BASP1: variants seen among roughly 807,000 people sequenced by gnomAD.
The protein encoded by BASP1 is brain abundant membrane attached signal protein 1.
Under a neutral mutation model 2.2 loss-of-function variants are expected in BASP1, and 1 was observed. That is an observed-to-expected ratio of 0.46 (90% confidence interval 0.16 to 2.17). BASP1 has a LOEUF of 2.17. BASP1 is among the 30% of genes most tolerant of loss of function. The probability of loss-of-function intolerance (pLI) is 0.27; values close to 1 mark genes in which losing one functional copy is unlikely to be tolerated. For synonymous variants in BASP1, 187 were observed against 154.2 expected, an observed-to-expected ratio of 1.21 and a Z score of -1.58; for missense variants, 352 against 327.2, an observed-to-expected ratio of 1.08 and a Z score of -0.58.
chr5:17,217,615 C>CTT, upstream of BASP1: 1 of 155,330 alleles, frequency 6.4e-6, no homozygotes, highest in Non-Finnish European at 1.4e-5. Flanking sequence ...GAGGCTGCAG[C>CTT]GGCGGCGGCG....
intron 1 of BASP1, among the ~76,000 whole-genome samples, chr5:17,272,231 C>T (rs1740543631): frequency 6.6e-6 from 1 of 152,160 alleles, no homozygotes; most frequent in African/African-American, 2.4e-5. Context: ...ATTCCCTCAA[C>T]ACCTGAGTTC....
At chr5:17,219,934 T>C (rs1739364246) in intron 1 of BASP1, among the ~76,000 whole-genome samples, 1 of 152,194 alleles carries the variant, frequency 6.6e-6, no homozygotes, top group Non-Finnish European at 1.5e-5. Context: ...ACAGAAGCCA[T>C]GATATACCTT....
rs1740147753 is a variant in BASP1, at chr5:17,253,799, A to C, written c.-9-21409A>C. On this transcript the variant is annotated intron_variant, in intron 1 of 1. Transcript: ENST00000322611. ...ACAGACTGGAATCTGTGATCAAGGG[A>C]GAGCGTGGATACTTGCTTTATTAAC... 2.0e-5 allele frequency among the ~76,000 whole-genome samples: 3 copies of C among 152,272 alleles called. No individual in the cohort carries two copies. The South Asian group carries it at 6.2e-4, about 32-fold the overall frequency.
chr5:17,237,808 A>G (rs1242452787), intron 1 of BASP1, among the ~76,000 whole-genome samples: 1 of 151,888 alleles, frequency 6.6e-6, no homozygotes, highest in Non-Finnish European at 1.5e-5. Flanking sequence ...ACAGTGTTTC[A>G]CCATGTTGGC....
At position 17,236,447 on chromosome 5, in the gene BASP1, T is replaced by G. The variant is rs575484869; in HGVS notation, c.-10+18637T>G. Among the ~76,000 whole-genome samples, 2 of 152,260 alleles carry G rather than the reference T, an allele frequency of 1.3e-5. No individual in the cohort carries two copies. The highest frequency in any genetic ancestry group is 2.4e-5 in the African/African-American group (1 of 41,566). On this transcript the variant is annotated intron_variant, in intron 1 of 1. Coordinates refer to ENST00000322611, the MANE Select transcript of BASP1 (RefSeq NM_006317.5). This position sits in a 1 kb window ranked among gnomAD's most constrained non-coding sequence, Gnocchi z 4.0. ...CCTGGCTAATTTTTTGTATTTTTAG[T>G]AGAGACGGGGTTTCGCCTTGTTGGT... is the stretch of plus-strand genomic sequence containing the variant.
intron 1 of BASP1, among the ~76,000 whole-genome samples, chr5:17,262,304 A>G (rs6876232): frequency 0.028 from 4,268 of 152,228 alleles, 198 homozygotes; most frequent in African/African-American, 0.094. Context: ...GCATTTACCC[A>G]TCCTCATCTG....
intron 1 of BASP1, among the ~76,000 whole-genome samples, chr5:17,265,073 C>A (rs1740390958): frequency 6.6e-6 from 1 of 152,052 alleles, no homozygotes; most frequent in Non-Finnish European, 1.5e-5. Context: ...CATTACAGAA[C>A]CATGGTATTG....
intron 1 of BASP1, among the ~76,000 whole-genome samples, chr5:17,233,573 A>G (rs1032080136): frequency 3.3e-5 from 5 of 152,136 alleles, no homozygotes; most frequent in African/African-American, 7.2e-5. Context: ...CTAGTGCACC[A>G]TACTGCCTCC....
At chr5:17,250,149 G>A (rs1740072250) in intron 1 of BASP1, among the ~76,000 whole-genome samples, 1 of 152,140 alleles carries the variant, frequency 6.6e-6, no homozygotes, top group Admixed American at 6.5e-5. Flanking sequence ...ATTTCACCAT[G>A]TTGGCCAGTC....
chr5:17,256,633 A>C (rs1740216858), intron 1 of BASP1, among the ~76,000 whole-genome samples: 1 of 152,234 alleles, frequency 6.6e-6, no homozygotes. Flanking sequence ...TAATGTCAGC[A>C]GCTAGTTTAG....
intron 1 of BASP1, among the ~76,000 whole-genome samples, chr5:17,218,011 G>C (rs1739298985): frequency 6.6e-6 from 1 of 151,920 alleles, no homozygotes; most frequent in African/African-American, 2.4e-5. Flanking sequence ...GGTGATGGGG[G>C]GCCCAGAAGT....
At chr5:17,226,338 T>A (rs1171404345) in intron 1 of BASP1, among the ~76,000 whole-genome samples, 3 of 152,252 alleles carry the variant, frequency 2.0e-5, no homozygotes, top group African/African-American at 7.2e-5. Flanking sequence ...TTGAGCTTTC[T>A]AAATTACAAA....
rs115977715 is a variant in BASP1 at position 17,225,302 on chromosome 5, G to A, written c.-10+7492G>A. 9.6e-3 allele frequency among the ~76,000 whole-genome samples: 1,428 copies of A among 148,688 alleles called. 20 individuals are homozygous for A. Among genetic ancestry groups the A allele is most frequent in the Non-Finnish European group, 0.011 (755 of 67,576 alleles). ...AAAAACCAGTCTGGATCCTATATCC[G>A]TCTCATGATCTCCCCCAGAGGAGAC... On this transcript the variant is annotated intron_variant, in intron 1 of 1. Coordinates refer to ENST00000322611, the MANE Select transcript of BASP1 (RefSeq NM_006317.5).
chr5:17,267,520 T>TG (rs1740438146), intron 1 of BASP1, among the ~76,000 whole-genome samples: 1 of 130,458 alleles, frequency 7.7e-6, no homozygotes, highest in African/African-American at 3.4e-5. Flanking sequence ...TTTTTTTTGC[T>TG]TTTTTTTTTT....
chr5:17,227,548 C>T (rs1739537812), intron 1 of BASP1, among the ~76,000 whole-genome samples: 1 of 152,040 alleles, frequency 6.6e-6, no homozygotes, highest in African/African-American at 2.4e-5. Flanking sequence ...CCTACAGGTG[C>T]CGCCACTATG....
At chr5:17,243,356 G>A (rs1054901319) in intron 1 of BASP1, among the ~76,000 whole-genome samples, 3 of 152,034 alleles carry the variant, frequency 2.0e-5, no homozygotes, top group African/African-American at 7.2e-5. Flanking sequence ...GTTTCGCCAC[G>A]TTGGCCAGGC....
chr5:17,225,783 T>C (rs1739489795), intron 1 of BASP1, among the ~76,000 whole-genome samples: 1 of 152,228 alleles, frequency 6.6e-6, no homozygotes, highest in African/African-American at 2.4e-5. Flanking sequence ...TCTAGCGTTA[T>C]CTGGCTTATT....
At chr5:17,219,149 T>C (rs941454851) in intron 1 of BASP1, among the ~76,000 whole-genome samples, 5 of 145,216 alleles carry the variant, frequency 3.4e-5, no homozygotes, top group African/African-American at 1.3e-4. Flanking sequence ...AGACCCCCAG[T>C]ATACTGCAGG....
intron 1 of BASP1, among the ~76,000 whole-genome samples, chr5:17,231,374 A>G (rs1472300318): frequency 2.0e-5 from 3 of 152,066 alleles, no homozygotes; most frequent in African/African-American, 7.2e-5. Context: ...GGAAGCTTCT[A>G]TTCTCTCCTG....
Sources: gnomAD v4.1 joint callset for allele counts (sites outside exome capture counted in the v4.1 genomes callset) on GRCh38, gnomAD v4.1.1 for gene constraint, Gnocchi (gnomAD v3.1) non-coding constraint, MANE v1.5 for transcripts, NCBI Gene and HGNC (gene_info 2026-07-23, HGNC 2026-07-21) for gene names.